The following TENM2 variants were observed in gnomAD, a reference collection of about 807,000 sequenced individuals.
TENM2 encodes the protein teneurin transmembrane protein 2.
TENM2 carries 52 observed loss-of-function variants against 245.2 expected under a neutral mutation model. The observed-to-expected ratio is 0.21, with a 90% confidence interval of 0.17 to 0.27. The LOEUF (loss-of-function observed/expected upper bound fraction) is 0.27, where lower values mean the gene tolerates loss of function less well. Among genes scored for constraint, TENM2 ranks in the 10% least tolerant of loss-of-function variants. The pLI is 1.00. For missense variants in TENM2, 3,046 were observed against 3,666.8 expected (o/e 0.83, Z 4.37); for synonymous variants, 1,363 against 1,438.9 (o/e 0.95, Z 1.19).
chr5:168,126,928 A>T, exon 12 of TENM2: 1 of 1,608,824 alleles, frequency 6.2e-7, no homozygotes, highest in Non-Finnish European at 8.5e-7. Flanking sequence ...AATGGTGAAC[A>T]CTGCACCATT....
chr5:168,085,279 A>C (rs1792350629), intron 7 of TENM2: 1 of 152,242 alleles, frequency 6.6e-6, no homozygotes, highest in Non-Finnish European at 1.5e-5. Flanking sequence ...TGAAAGAATC[A>C]AGAATTCCAC....
At position 167,593,208 on chromosome 5, in the gene TENM2, G is replaced by C. The variant is rs1442961465; in HGVS notation, c.502+217735G>C. ...AATTAATTCTGTAATGTTGGATATT[G>C]GCTCTCCCTTCACTTTAGAGTATTA... On this transcript the variant is annotated intron_variant, in intron 2 of 28. Transcript: ENST00000518659. Among the ~76,000 whole-genome samples the C allele has an allele frequency of 2.0e-5, 3 of 152,136 alleles. No individual in the cohort carries two copies. The East Asian group carries it at 5.8e-4, about 29-fold the overall frequency.
At chr5:168,115,216 C>T (rs1794959230) in intron 9 of TENM2, among the ~76,000 whole-genome samples, 1 of 151,694 alleles carries the variant, frequency 6.6e-6, no homozygotes, top group African/African-American at 2.4e-5. Context: ...TCGCTTGAAC[C>T]CGGGAGGCAG....
chr5:167,428,719 G>T (rs1362278972), intron 2 of TENM2, among the ~76,000 whole-genome samples: 1 of 151,738 alleles, frequency 6.6e-6, no homozygotes, highest in Admixed American at 6.6e-5. Flanking sequence ...TCTGAACAAT[G>T]AAAAAAAAGA....
At chr5:167,533,230 A>G (rs776399063) in intron 2 of TENM2, among the ~76,000 whole-genome samples, 2 of 152,152 alleles carry the variant, frequency 1.3e-5, no homozygotes, top group African/African-American at 4.8e-5. Flanking sequence ...AGTTAAAGCA[A>G]AACAGTGGAT....
At chr5:167,947,135 T>C (rs949764111) in intron 3 of TENM2, among the ~76,000 whole-genome samples, 4 of 152,156 alleles carry the variant, frequency 2.6e-5, no homozygotes, top group African/African-American at 7.2e-5. Context: ...CGCATGTTCA[T>C]TGAATATCCC....
intron 2 of TENM2, among the ~76,000 whole-genome samples, chr5:167,442,457 T>G (rs907449668): frequency 5.3e-5 from 8 of 152,098 alleles, no homozygotes; most frequent in African/African-American, 1.9e-4. Flanking sequence ...TATTGCCCAA[T>G]TCCCTTCTAA....
chr5:168,165,940 T>C lies in TENM2; in HGVS notation c.2569+3183T>C, dbSNP rs1222527998. On this transcript the variant is annotated intron_variant, in intron 13 of 28. Transcript: ENST00000518659. ...ATTCACAATTAACTGAGTTCTTTTT[T>C]TGGAGGTGATTCCTCAGTGTAGAGT... is the stretch of plus-strand genomic sequence containing the variant. 7 of 152,196 alleles carry C rather than the reference T, an allele frequency of 4.6e-5. No individual in the cohort carries two copies. In the East Asian group the frequency reaches 9.6e-4, roughly 21 times the overall value. 9.4% of individuals were successfully genotyped at this position (152,196 alleles called of 1,614,324 possible).
intron 2 of TENM2, among the ~76,000 whole-genome samples, chr5:167,557,999 G>A (rs1189326379): frequency 1.3e-5 from 2 of 152,188 alleles, no homozygotes; most frequent in Non-Finnish European, 2.9e-5. Context: ...ACAGGCTTTT[G>A]GAGCAGGAGG....
chr5:168,239,823 C>A (rs535007856), intron 25 of TENM2, among the ~76,000 whole-genome samples: 1 of 151,918 alleles, frequency 6.6e-6, no homozygotes, highest in Non-Finnish European at 1.5e-5. Flanking sequence ...TGTGATTTTC[C>A]CATTGGTCTT....
At chr5:167,091,350 T>A in the TENM2 span, among the ~76,000 whole-genome samples, 41 of 152,338 alleles carry the variant, frequency 2.7e-4, no homozygotes, top group Admixed American at 5.9e-4. Flanking sequence ...GTATCAATTT[T>A]AGCAGAGATT....
intron 2 of TENM2, among the ~76,000 whole-genome samples, chr5:167,447,219 G>T (rs1765282857): frequency 6.6e-6 from 1 of 152,178 alleles, no homozygotes; most frequent in Non-Finnish European, 1.5e-5. Flanking sequence ...AATACAGATA[G>T]CAAATCCCAT....
At chr5:168,092,810 C>T (rs1333268808) in intron 8 of TENM2, among the ~76,000 whole-genome samples, 1 of 152,228 alleles carries the variant, frequency 6.6e-6, no homozygotes. Context: ...ACACCCTGCA[C>T]AGCAGCTGGC....
chr5:167,157,472 A>T, the TENM2 span, among the ~76,000 whole-genome samples: 1 of 152,228 alleles, frequency 6.6e-6, no homozygotes, highest in Non-Finnish European at 1.5e-5. Context: ...TTTGTGCTCC[A>T]ATAACCAAAG....
intron 9 of TENM2, among the ~76,000 whole-genome samples, chr5:168,114,136 A>AT (rs1554200086): frequency 6.6e-6 from 1 of 152,176 alleles, no homozygotes; most frequent in Non-Finnish European, 1.5e-5. Context: ...GCATCTCTTA[A>AT]TTTGCCTACC....
chr5:167,045,655 G>C, the TENM2 span, among the ~76,000 whole-genome samples: 1 of 152,182 alleles, frequency 6.6e-6, no homozygotes, highest in South Asian at 2.1e-4. Flanking sequence ...AGCACAGCTA[G>C]TCTATCATTA....
chr5:167,830,015 C>G (rs1347817054), intron 2 of TENM2, among the ~76,000 whole-genome samples: 1 of 152,200 alleles, frequency 6.6e-6, no homozygotes, highest in East Asian at 1.9e-4. Context: ...TTCTATCCTC[C>G]TACATATTGG....
intron 3 of TENM2, among the ~76,000 whole-genome samples, chr5:167,882,564 C>T (rs1671326250): frequency 6.6e-6 from 1 of 152,142 alleles, no homozygotes; most frequent in Non-Finnish European, 1.5e-5. Context: ...TTCTGCATGG[C>T]TGGAAAGGCC....
chr5:168,199,541 G>A (rs946398534), intron 16 of TENM2, among the ~76,000 whole-genome samples: 2 of 152,124 alleles, frequency 1.3e-5, no homozygotes, highest in African/African-American at 4.8e-5. Context: ...AGCCTCTCGT[G>A]GCCTCCTTGC....
Sources: gnomAD v4.1 joint callset for allele counts (sites outside exome capture counted in the v4.1 genomes callset) on GRCh38, gnomAD v4.1.1 for gene constraint, MANE v1.5 for transcripts, NCBI Gene and HGNC (gene_info 2026-07-23, HGNC 2026-07-21) for gene names.